Variants in EYS observed in about 807,000 individuals in gnomAD.
EYS encodes protein eyes shut homolog.
In EYS, 250 loss-of-function variants were observed where a neutral mutation model predicts 282.1. The observed-to-expected ratio is 0.89, with a 90% CI of 0.80 to 0.98. The LOEUF is 0.98. Among genes scored for constraint, EYS ranks in the 50% least tolerant of loss-of-function variants. EYS has a pLI of 0.00. For synonymous variants in EYS, 1,355 were observed against 1,282.9 expected, an observed-to-expected ratio of 1.06 and a Z score of -1.20; for missense variants, 4,016 against 3,709.0, an observed-to-expected ratio of 1.08 and a Z score of -2.15.
chr6:63,738,755 C>G (rs1185955465), intron 41 of EYS, among the ~76,000 whole-genome samples: 1 of 152,012 alleles, frequency 6.6e-6, no homozygotes, highest in African/African-American at 2.4e-5. Flanking sequence ...AAAATACATA[C>G]AGACATATAT....
chr6:64,647,832 T>G (rs957225116), intron 22 of EYS, among the ~76,000 whole-genome samples: 3 of 152,172 alleles, frequency 2.0e-5, no homozygotes, highest in Admixed American at 6.5e-5. Flanking sequence ...GGTAGGAACC[T>G]TTTTGCTTAT....
chr6:64,358,217 A>G (rs1362674293), intron 29 of EYS, among the ~76,000 whole-genome samples: 1 of 151,590 alleles, frequency 6.6e-6, no homozygotes, highest in Non-Finnish European at 1.5e-5. Context: ...TTTGTGCATC[A>G]GTGCTTGCAG....
At chr6:64,694,996 C>T (rs1032971015) in intron 22 of EYS, among the ~76,000 whole-genome samples, 4 of 152,096 alleles carry the variant, frequency 2.6e-5, no homozygotes, top group African/African-American at 4.8e-5. Context: ...TGAGCTTCCC[C>T]TCTTTCCCCA....
rs193129887 is a variant in EYS at position 64,080,874 on chromosome 6, C to T, written c.6571+982G>A. ...CAAATATCAGATAGTTGTAGATATG[C>T]GGCATTATTTCTGAGGGCTGTGTTC... On this transcript the variant is annotated intron_variant, in intron 32 of 42. Transcript: ENST00000503581. Among the ~76,000 whole-genome samples the T allele has an allele frequency of 9.3e-3, 1,419 of 151,926 alleles. 15 individuals carry two copies. Among genetic ancestry groups the T allele is most frequent in the East Asian group, 0.031 (158 of 5,152 alleles).
chr6:65,080,161 T>C (rs1269157677), intron 12 of EYS, among the ~76,000 whole-genome samples: 1 of 151,998 alleles, frequency 6.6e-6, no homozygotes, highest in East Asian at 1.9e-4. Flanking sequence ...AAAACATCAC[T>C]ACATTCATCA....
chr6:63,890,632 A>G (rs1773383192), intron 35 of EYS, among the ~76,000 whole-genome samples: 1 of 152,234 alleles, frequency 6.6e-6, no homozygotes, highest in Admixed American at 6.5e-5. Flanking sequence ...AAATGCCCAC[A>G]GGAGAAAGCA....
chr6:65,656,348 G>A (rs1200781378), intron 1 of EYS, among the ~76,000 whole-genome samples: 2 of 151,882 alleles, frequency 1.3e-5, no homozygotes, highest in Non-Finnish European at 2.9e-5. Flanking sequence ...AGCTGAGATA[G>A]GTTGAAAGCC....
At chr6:64,766,649 A>AAATATATATATATATATAT (rs1387919586) in intron 22 of EYS, among the ~76,000 whole-genome samples, 1 of 19,062 alleles carries the variant, frequency 5.2e-5, no homozygotes, top group African/African-American at 1.8e-4. Context: ...AAAAAAAAAA[A>AAATATATATATATATATAT]ATATATATAT....
Position 64,042,748 on chromosome 6 carries a change from A to T in EYS, c.6725+23590T>A, listed in dbSNP as rs537215852. On this transcript the variant is annotated intron_variant, in intron 33 of 42. Coordinates refer to ENST00000503581, the MANE Select transcript of EYS (RefSeq NM_001142800.2). ...TTTTTGTTCTCTGGACACTTAAGAT[A>T]CTCTTCCTGATCCAAAGATCAGGAG... is the stretch of plus-strand genomic sequence containing the variant. Among the ~76,000 whole-genome samples the T allele has an allele frequency of 3.9e-5, 6 of 152,124 alleles. No homozygotes were observed. The South Asian group carries it at 1.2e-3, about 32-fold the overall frequency.
intron 12 of EYS, among the ~76,000 whole-genome samples, chr6:65,264,125 C>T (rs114294264): frequency 9.7e-4 from 148 of 152,162 alleles, no homozygotes; most frequent in African/African-American, 3.3e-3. Context: ...AATTAATCAA[C>T]CTGCATTTCT....
At chr6:65,005,157 C>T (rs1322077303) in intron 13 of EYS, among the ~76,000 whole-genome samples, 1 of 147,886 alleles carries the variant, frequency 6.8e-6, no homozygotes, top group Non-Finnish European at 1.5e-5. Flanking sequence ...TGCTGACTTC[C>T]ATCCCTTGAG....
At chr6:65,144,959 C>T (rs1342506104) in intron 12 of EYS, among the ~76,000 whole-genome samples, 7 of 151,544 alleles carry the variant, frequency 4.6e-5, no homozygotes, top group East Asian at 2.0e-4. Context: ...TTAGTAGAGA[C>T]GGGGTTTCAC....
At chr6:64,088,137 T>C (rs982287034) in intron 31 of EYS, among the ~76,000 whole-genome samples, 1 of 152,106 alleles carries the variant, frequency 6.6e-6, no homozygotes, top group African/African-American at 2.4e-5. Context: ...TTAGTGGATA[T>C]GTTGAAAAAC....
intron 35 of EYS, among the ~76,000 whole-genome samples, chr6:63,890,017 A>G (rs543951891): frequency 1.3e-5 from 2 of 152,338 alleles, no homozygotes; most frequent in East Asian, 3.9e-4. Context: ...AAAAAGACAA[A>G]GGGCATTACA....
intron 37 of EYS, among the ~76,000 whole-genome samples, chr6:63,790,512 C>T (rs957909513): frequency 1.3e-5 from 2 of 152,244 alleles, no homozygotes; most frequent in South Asian, 2.1e-4. Context: ...TACCATAGAC[C>T]GAGTACATTG....
At chr6:65,254,398 G>A (rs1022169084) in intron 12 of EYS, among the ~76,000 whole-genome samples, 3 of 151,840 alleles carry the variant, frequency 2.0e-5, no homozygotes, top group Non-Finnish European at 4.4e-5. Flanking sequence ...GTAAGAACAA[G>A]TAGGAAATTC....
At chr6:65,253,233 G>A (rs779893784) in intron 12 of EYS, among the ~76,000 whole-genome samples, 3 of 151,872 alleles carry the variant, frequency 2.0e-5, no homozygotes, top group Non-Finnish European at 4.4e-5. Flanking sequence ...CTTGCTGTTG[G>A]ACTCCCACAT....
Position 64,230,679 on chromosome 6 carries a change from T to A in EYS, c.6337A>T (p.Thr2113Ser). The change falls in exon 31 of 43, where the codon ACA (threonine) becomes TCA (serine). Residue 2113 changes from threonine (T) to serine (S), a missense_variant. Coordinates refer to ENST00000503581, the MANE Select transcript of EYS (RefSeq NM_001142800.2). ...CQQDVCHNGG[T>S]CHAIFLSSGI... Reference sequence around the variant, plus strand: ...CTGGAGAGGAAGATGGCATGGCATGTGCCTCCATTGTGGCATACATCCTGC... The same window carrying A: ...CTGGAGAGGAAGATGGCATGGCATGAGCCTCCATTGTGGCATACATCCTGC... 2 of 1,551,588 alleles carry A rather than the reference T, an allele frequency of 1.3e-6. No individual in the cohort carries two copies. Among genetic ancestry groups the A allele is most frequent in the Non-Finnish European group, 1.7e-6 (2 of 1,146,910 alleles).
intron 2 of EYS, among the ~76,000 whole-genome samples, chr6:65,562,045 T>G (rs1769081371): frequency 6.6e-6 from 1 of 151,450 alleles, no homozygotes. Context: ...ATATAATAAT[T>G]TTTGTATATA....
Sources: gnomAD v4.1 joint callset for allele counts (sites outside exome capture counted in the v4.1 genomes callset) on GRCh38, gnomAD v4.1.1 for gene constraint, MANE v1.5 for transcripts, NCBI Gene and HGNC (gene_info 2026-07-23, HGNC 2026-07-21) for gene names.